The following AGL variants were observed in gnomAD, a reference collection of about 807,000 sequenced individuals.
AGL encodes the protein amylo-alpha-1,6-glucosidase and 4-alpha-glucanotransferase.
Under a neutral mutation model 199.3 loss-of-function variants are expected in AGL, and 128 were observed. The observed-to-expected ratio is 0.64, with a 90% confidence interval of 0.56 to 0.74. The LOEUF (loss-of-function observed/expected upper bound fraction) is 0.74. Among genes scored for constraint, AGL ranks in the 30% least tolerant of loss-of-function variants. The pLI is 0.00. For missense variants in AGL, 1,809 were observed against 1,820.8 expected, an observed-to-expected ratio of 0.99 and a Z score of 0.12; for synonymous variants, 584 against 594.7, an observed-to-expected ratio of 0.98 and a Z score of 0.26.
intron 30 of AGL, among the ~76,000 whole-genome samples, chr1:99,915,086 G>A (rs1655015873): frequency 6.6e-6 from 1 of 152,098 alleles, no homozygotes; most frequent in Non-Finnish European, 1.5e-5. Context: ...CTCCAAAGGG[G>A]TTAAAATAAA....
At chr1:99,920,840 A>C (rs918815322) in intron 33 of AGL, among the ~76,000 whole-genome samples, 8 of 152,172 alleles carry the variant, frequency 5.3e-5, no homozygotes, top group Non-Finnish European at 1.0e-4. Context: ...TTAAGGGATT[A>C]CATTGAAATT....
intron 33 of AGL, among the ~76,000 whole-genome samples, chr1:99,917,449 T>C (rs6577148): frequency 0.39 from 59,429 of 152,036 alleles, 12,390 homozygotes; most frequent in East Asian, 0.56. Flanking sequence ...GCTATTTATG[T>C]CTTTGTATTT....
In AGL at chr1:99,875,396, ACTGG is replaced by A. The variant is rs1553185474; in HGVS notation, c.1230_1233del (p.Gly411MetfsTer5). On this transcript the variant is annotated frameshift_variant, in exon 10 of 34. Coordinates refer to ENST00000361915, the MANE Select transcript of AGL (RefSeq NM_000642.3). LOFTEE classifies it high-confidence loss of function. ...TTTTGGGAAATGTGTTTTATGAACG[ACTGG>A]CTGGCCATGGTCCAAAACTAGGACC... is the stretch of plus-strand genomic sequence containing the variant. The A allele has an allele frequency of 6.2e-7, 1 of 1,614,174 alleles. No homozygotes were observed. Among genetic ancestry groups the A allele is most frequent in the Non-Finnish European group, 8.5e-7 (1 of 1,180,020 alleles).
At chr1:99,856,589 C>G (rs562709983) in intron 2 of AGL, among the ~76,000 whole-genome samples, 56 of 152,040 alleles carry the variant, frequency 3.7e-4, no homozygotes, top group African/African-American at 1.3e-3. Context: ...AAGGACCCTG[C>G]GGCCTTCCAC....
intron 21 of AGL, 114 bp from the exon 22 acceptor site, chr1:99,891,106 A>G: frequency 3.1e-6 from 4 of 1,296,490 alleles, no homozygotes; most frequent in Non-Finnish European, 4.4e-6. Flanking sequence ...GTGTGCCTCT[A>G]ATACGTATTC....
In AGL at chr1:99,891,266, G is replaced by A. The variant is rs749596632; in HGVS notation, c.2859G>A (p.Gly953=). The change falls in exon 22 of 34, where the codon GGG becomes GGA. Residue 953 remains glycine (G), a synonymous_variant. Coordinates refer to ENST00000361915, the MANE Select transcript of AGL (RefSeq NM_000642.3). ...AAATAAGACCAAAGAATGACTTGGGGCATCCTTTTTGTAATAATTTGAGAT... is the reference window on the plus strand; with the variant it reads ...AAATAAGACCAAAGAATGACTTGGGACATCCTTTTTGTAATAATTTGAGAT... The part of the protein sequence containing the change: ...LAEIRPKNDL[G]HPFCNNLRSG... 8 of 1,613,562 alleles carry A rather than the reference G, an allele frequency of 5.0e-6. No homozygotes were observed. Among genetic ancestry groups the A allele is most frequent in the Non-Finnish European group, 5.1e-6 (6 of 1,179,622 alleles).
chr1:99,886,567 AAT>A (rs1652471153), intron 20 of AGL, among the ~76,000 whole-genome samples: 1 of 152,248 alleles, frequency 6.6e-6, no homozygotes, highest in African/African-American at 2.4e-5. Context: ...AGTAAAACAC[AAT>A]AGTTTTTGAC....
chr1:99,884,276 T>C lies in AGL; in HGVS notation c.2433+32T>C, dbSNP rs774321073. On this transcript the variant is annotated intron_variant, in intron 18 of 33. Coordinates refer to ENST00000361915, the MANE Select transcript of AGL (RefSeq NM_000642.3). ...GGGACTCTCATCTTACTACTGTGTT[T>C]AGCATTTTAAGAACATTAGAACTAT... is the stretch of plus-strand genomic sequence containing the variant. 1.9e-6 allele frequency: 3 copies of C among 1,612,892 alleles called. No homozygotes were observed. The Admixed American group carries it at 5.0e-5, about 27-fold the overall frequency.
chr1:99,884,315 T>C (rs1251943229), intron 18 of AGL, 24 bp from the exon 19 acceptor site: 1 of 1,612,372 alleles, frequency 6.2e-7, no homozygotes, highest in Middle Eastern at 1.7e-4. Flanking sequence ...TTGAATGGAT[T>C]TTTTTAATGT....
Position 99,880,672 on chromosome 1 carries a change from A to T in AGL, c.1776A>T (p.Leu592Phe). The T allele has an allele frequency of 6.2e-7, 1 of 1,614,096 alleles. No homozygotes were observed. The highest frequency in any genetic ancestry group is 8.5e-7 in the Non-Finnish European group (1 of 1,179,956). ...SAYNSHEEGR[L>F]VYRYGGEPVG... ...ATAATAGTCATGAAGAGGGCAGATT[A>T]GTTTACCGATATGGAGGAGAACCTG... Residue 592 changes from leucine (L) to phenylalanine (F), a missense_variant, in exon 14 of 34, where the codon TTA (leucine) becomes TTT (phenylalanine). Leu to Phe is a conservative substitution (Grantham distance 22). Coordinates refer to ENST00000361915, the MANE Select transcript of AGL (RefSeq NM_000642.3).
chr1:99,909,489 C>A (rs1019497897), intron 27 of AGL, among the ~76,000 whole-genome samples: 4 of 152,060 alleles, frequency 2.6e-5, no homozygotes, highest in Admixed American at 2.6e-4. Context: ...TGGCACAGGG[C>A]GGATGTTGTC....
chr1:99,864,571 G>A lies in AGL; in HGVS notation c.646G>A (p.Val216Ile), dbSNP rs759509204. 1.2e-6 allele frequency: 2 copies of A among 1,613,452 alleles called. No homozygotes were observed. The highest frequency in any genetic ancestry group is 1.7e-6 in the Non-Finnish European group (2 of 1,179,710). ...ATGGAATGTTATTTGTATTACTGAT[G>A]TTGTCTACAATCATACTGGTATGAG... ...KEWNVICITD[V>I]VYNHTAANSK... The change falls in exon 5 of 34, where the codon GTT (valine) becomes ATT (isoleucine). Residue 216 changes from valine to isoleucine, a missense_variant. Val to Ile is a conservative substitution (Grantham distance 29). Transcript: ENST00000361915.
intron 27 of AGL, among the ~76,000 whole-genome samples, chr1:99,907,545 G>A (rs1654383807): frequency 6.6e-6 from 1 of 152,022 alleles, no homozygotes; most frequent in Non-Finnish European, 1.5e-5. Flanking sequence ...CTTCCACAGT[G>A]GCTGTGCCAT....
intron 5 of AGL, among the ~76,000 whole-genome samples, chr1:99,867,615 G>C (rs1042095717): frequency 6.6e-6 from 1 of 151,644 alleles, no homozygotes; most frequent in African/African-American, 2.4e-5. Context: ...GAGTGCAGTG[G>C]CGCAGTCTTG....
chr1:99,892,604 G>A lies in AGL; in HGVS notation c.3256G>A (p.Ala1086Thr), dbSNP rs1214311913. The A allele has an allele frequency of 6.2e-7, 1 of 1,613,042 alleles. No homozygotes were observed. Among genetic ancestry groups the A allele is most frequent in the Admixed American group, 1.7e-5 (1 of 59,944 alleles). ...EKEQCCVSLA[A>T]GLPHFSSGIF... ...GGAGCAATGTTGTGTTTCTCTAGCT[G>A]CAGGTAAGGAATTATGTACAAGGTT... Residue 1086 changes from alanine to threonine, a missense_variant, in exon 24 of 34, where the codon GCA becomes ACA. Transcript: ENST00000361915.
chr1:99,903,526 A>G (rs912137456), intron 27 of AGL, among the ~76,000 whole-genome samples: 2 of 152,314 alleles, frequency 1.3e-5, no homozygotes, highest in African/African-American at 2.4e-5. Context: ...TTCTTAATCC[A>G]GTCTATCATT....
chr1:99,894,520 G>C (rs1653154092), intron 24 of AGL, among the ~76,000 whole-genome samples: 1 of 152,052 alleles, frequency 6.6e-6, no homozygotes, highest in South Asian at 2.1e-4. Flanking sequence ...TTAATATCAT[G>C]TATATATCAA....
chr1:99,879,207 A>G (rs1365678498), intron 12 of AGL, among the ~76,000 whole-genome samples: 1 of 152,212 alleles, frequency 6.6e-6, no homozygotes, highest in Non-Finnish European at 1.5e-5. Context: ...TAATCTTTCC[A>G]ACAGCTAAGT....
chr1:99,856,989 GGGC>G (rs1649535754), intron 2 of AGL, among the ~76,000 whole-genome samples: 1 of 152,206 alleles, frequency 6.6e-6, no homozygotes, highest in Non-Finnish European at 1.5e-5. Flanking sequence ...CTAGGCAGAG[GGGC>G]TCCTCACTTC....
Sources: gnomAD v4.1 joint callset for allele counts (sites outside exome capture counted in the v4.1 genomes callset) on GRCh38, gnomAD v4.1.1 for gene constraint, MANE v1.5 for transcripts, NCBI Gene and HGNC (gene_info 2026-07-23, HGNC 2026-07-21) for gene names.